The following DSCAM variants were observed in gnomAD, a reference collection of about 807,000 sequenced individuals.
The protein encoded by DSCAM is DS cell adhesion molecule.
In DSCAM, 47 loss-of-function variants were observed where a neutral mutation model predicts 217.7. That is an observed-to-expected ratio of 0.22 (90% CI 0.17 to 0.28). DSCAM has a LOEUF of 0.28. Among genes scored for constraint, DSCAM ranks in the 10% least tolerant of loss-of-function variants. The pLI, the probability that DSCAM is intolerant of heterozygous loss-of-function variation, is 1.00. For synonymous variants in DSCAM, 1,056 were observed against 1,015.3 expected, an observed-to-expected ratio of 1.04 and a Z score of -0.76; for missense variants, 2,080 against 2,618.3, an observed-to-expected ratio of 0.79 and a Z score of 4.49.
chr21:40,782,127 C>T (rs1424559310), intron 1 of DSCAM, among the ~76,000 whole-genome samples: 1 of 151,596 alleles, frequency 6.6e-6, no homozygotes, highest in Admixed American at 6.6e-5. Context: ...GCCGAGATCA[C>T]GCCACTGCAC....
intron 3 of DSCAM, among the ~76,000 whole-genome samples, chr21:40,605,709 G>C (rs1568933600): frequency 6.8e-6 from 1 of 146,138 alleles, no homozygotes; most frequent in Non-Finnish European, 1.5e-5. Context: ...CAGGGGCCAA[G>C]ACATTAGTAA....
At chr21:40,093,489 C>T (rs1255123091) in intron 21 of DSCAM, among the ~76,000 whole-genome samples, 1 of 152,182 alleles carries the variant, frequency 6.6e-6, no homozygotes, top group African/African-American at 2.4e-5. Context: ...TTTTCATAGA[C>T]ACTTCCATTG....
At chr21:40,111,122 C>A (rs962809948) in intron 20 of DSCAM, among the ~76,000 whole-genome samples, 6 of 152,054 alleles carry the variant, frequency 3.9e-5, no homozygotes, top group Non-Finnish European at 7.4e-5. Flanking sequence ...GTCAGATTCA[C>A]CAAAGTTGAA....
At chr21:40,415,675 T>G (rs913753444) in intron 3 of DSCAM, among the ~76,000 whole-genome samples, 3 of 152,178 alleles carry the variant, frequency 2.0e-5, no homozygotes, top group African/African-American at 7.2e-5. Flanking sequence ...CCTCTATCCC[T>G]CTAAGGGAGA....
chr21:40,356,368 A>G (rs1281700807), intron 4 of DSCAM, among the ~76,000 whole-genome samples: 1 of 142,778 alleles, frequency 7.0e-6, no homozygotes, highest in Non-Finnish European at 1.5e-5. Flanking sequence ...GGCAATAGAT[A>G]TGTTATTTTG....
chr21:40,493,879 A>ATATAT lies in DSCAM; in HGVS notation c.509-124635_509-124634insATATA, dbSNP rs1165065917. Among the ~76,000 whole-genome samples the ATATAT allele has an allele frequency of 4.5e-4, 61 of 135,534 alleles. No individual in the cohort carries two copies. The South Asian group carries it at 4.5e-3, about 10-fold the overall frequency. 88.9% of individuals were successfully genotyped at this position (135,534 alleles called of 152,430 possible). ...ACTCCATCTCAAAAAAAAAAAAAAAAATATATACATATATATACATATATA... is the reference window on the plus strand; with the variant it reads ...ACTCCATCTCAAAAAAAAAAAAAAAATATATATATATACATATATATACATATATA... On this transcript the variant is annotated intron_variant, in intron 3 of 32. Transcript: ENST00000400454.
intron 27 of DSCAM, among the ~76,000 whole-genome samples, chr21:40,069,200 G>A (rs1289022973): frequency 6.6e-6 from 1 of 152,166 alleles, no homozygotes; most frequent in African/African-American, 2.4e-5. Context: ...GGTGTATAGT[G>A]AAGTACTATG....
At position 40,718,914 on chromosome 21, in the gene DSCAM, C is replaced by T. The variant is rs371613041; in HGVS notation, c.44-10143G>A. Among the ~76,000 whole-genome samples the T allele has an allele frequency of 3.9e-5, 6 of 152,044 alleles. No homozygotes were observed. The South Asian group carries it at 1.2e-3, about 32-fold the overall frequency. Reference sequence around the variant, plus strand: ...GCCGAGGTGTGTGGCTCGCTTGAGCCCAGGAATTCAAGATCAGCCTGGGGA... The same window carrying T: ...GCCGAGGTGTGTGGCTCGCTTGAGCTCAGGAATTCAAGATCAGCCTGGGGA... On this transcript the variant is annotated intron_variant, in intron 1 of 32. Coordinates refer to ENST00000400454, the MANE Select transcript of DSCAM (RefSeq NM_001389.5).
chr21:40,510,396 A>G (rs2076249088), intron 3 of DSCAM, among the ~76,000 whole-genome samples: 1 of 152,216 alleles, frequency 6.6e-6, no homozygotes, highest in African/African-American at 2.4e-5. Context: ...ATATACATCA[A>G]TTTTTAAATA....
chr21:40,459,635 G>A (rs980368292), intron 3 of DSCAM, among the ~76,000 whole-genome samples: 10 of 152,110 alleles, frequency 6.6e-5, no homozygotes, highest in South Asian at 2.1e-4. Flanking sequence ...TTGAGTAAGC[G>A]GAATGCAGAC....
intron 3 of DSCAM, among the ~76,000 whole-genome samples, chr21:40,678,718 C>T (rs1248111326): frequency 6.6e-6 from 1 of 151,938 alleles, no homozygotes; most frequent in African/African-American, 2.4e-5. Flanking sequence ...AACAACATGC[C>T]CTCACACACA....
intron 3 of DSCAM, among the ~76,000 whole-genome samples, chr21:40,509,488 T>C (rs2076241427): frequency 6.6e-6 from 1 of 152,212 alleles, no homozygotes; most frequent in Non-Finnish European, 1.5e-5. Context: ...CTCCCCATTG[T>C]TCCTCTCACT....
At chr21:40,429,526 C>T (rs2075510083) in intron 3 of DSCAM, among the ~76,000 whole-genome samples, 1 of 152,196 alleles carries the variant, frequency 6.6e-6, no homozygotes, top group African/African-American at 2.4e-5. Flanking sequence ...CCTCAGCCTC[C>T]CAACGTGCTG....
chr21:40,289,083 T>A (rs967574819), intron 10 of DSCAM, among the ~76,000 whole-genome samples: 1 of 152,204 alleles, frequency 6.6e-6, no homozygotes, highest in Non-Finnish European at 1.5e-5. Context: ...AAACCAGCAC[T>A]TCTTCTCTTC....
intron 8 of DSCAM, among the ~76,000 whole-genome samples, chr21:40,328,141 A>C (rs974440304): frequency 1.3e-5 from 2 of 152,150 alleles, no homozygotes; most frequent in Non-Finnish European, 2.9e-5. Context: ...TAGAAAAAAA[A>C]ATCCTAAAAT....
intron 15 of DSCAM, among the ~76,000 whole-genome samples, chr21:40,168,261 G>A (rs2090618839): frequency 1.3e-5 from 2 of 152,142 alleles, no homozygotes; most frequent in African/African-American, 2.4e-5. Flanking sequence ...CTCAATTACA[G>A]GGAGCCAATG....
At chr21:40,339,508 G>A (rs1333384548) in intron 6 of DSCAM, 93 bp from the exon 7 acceptor site, 4 of 1,279,340 alleles carry the variant, frequency 3.1e-6, no homozygotes, top group South Asian at 1.5e-5. Context: ...GGTAAATGTC[G>A]TAGTTGTTAA....
chr21:40,286,621 G>T (rs1263367225), intron 10 of DSCAM, among the ~76,000 whole-genome samples: 1 of 149,960 alleles, frequency 6.7e-6, no homozygotes, highest in Non-Finnish European at 1.5e-5. Context: ...TTGATAATTT[G>T]CTTCTTTCCA....
intron 26 of DSCAM, among the ~76,000 whole-genome samples, 172 bp from the exon 27 acceptor site, chr21:40,075,385 C>A (rs187445750): frequency 3.9e-5 from 6 of 152,162 alleles, no homozygotes; most frequent in Non-Finnish European, 8.8e-5. Context: ...TTATTTATTT[C>A]CCTCCCTCTG....
Sources: gnomAD v4.1 joint callset for allele counts (sites outside exome capture counted in the v4.1 genomes callset) on GRCh38, gnomAD v4.1.1 for gene constraint, MANE v1.5 for transcripts, NCBI Gene and HGNC (gene_info 2026-07-23, HGNC 2026-07-21) for gene names.